The following LDB2 variants were observed in gnomAD, a reference collection of about 807,000 sequenced individuals.
LDB2 encodes the protein LIM domain-binding protein 2.
Under a neutral mutation model 44.3 loss-of-function variants are expected in LDB2, and 12 were observed. The ratio of observed to expected loss-of-function variants is 0.27; its 90% confidence interval spans 0.17 to 0.44. The LOEUF is 0.44. LDB2 is among the 20% of genes least tolerant of loss of function. The probability of loss-of-function intolerance (pLI) is 1.00; values close to 1 mark genes in which losing one functional copy is unlikely to be tolerated. For missense variants in LDB2, 344 were observed against 473.5 expected (o/e 0.73, Z 2.54); for synonymous variants, 164 against 174.8 (o/e 0.94, Z 0.49).
intron 2 of LDB2, among the ~76,000 whole-genome samples, chr4:16,758,548 C>G (rs1767162988): frequency 6.6e-6 from 1 of 152,180 alleles, no homozygotes; most frequent in Admixed American, 6.5e-5. Flanking sequence ...CTAATCAGGA[C>G]AGATCAGCTG....
At chr4:16,534,126 C>T (rs1730978053) in intron 5 of LDB2, among the ~76,000 whole-genome samples, 1 of 152,116 alleles carries the variant, frequency 6.6e-6, no homozygotes, top group Admixed American at 6.5e-5. Flanking sequence ...AACTCACGTT[C>T]CTCTGATGAT....
intron 2 of LDB2, among the ~76,000 whole-genome samples, chr4:16,649,413 TGAGAGA>T (rs766915381): frequency 6.9e-6 from 1 of 145,794 alleles, no homozygotes; most frequent in Non-Finnish European, 1.6e-5. Flanking sequence ...GAGAGAGAGA[TGAGAGA>T]GAGAGAGAGA....
chr4:16,645,543 CAAAAA>C (rs34869059), intron 2 of LDB2, among the ~76,000 whole-genome samples: 1 of 85,510 alleles, frequency 1.2e-5, no homozygotes. Context: ...GACTCCGTCT[CAAAAA>C]AAAAAAAAAA....
intron 2 of LDB2, among the ~76,000 whole-genome samples, chr4:16,650,313 A>G (rs1737917199): frequency 6.6e-6 from 1 of 152,204 alleles, no homozygotes; most frequent in Non-Finnish European, 1.5e-5. Context: ...TCAGTAGCAC[A>G]GTAATTGCCA....
At position 16,839,031 on chromosome 4, in the gene LDB2, T is replaced by C. The variant is rs185599228; in HGVS notation, c.132+59323A>G. 5.2e-4 allele frequency among the ~76,000 whole-genome samples: 79 copies of C among 152,334 alleles called. No individual in the cohort carries two copies. In the South Asian group the frequency reaches 5.6e-3, roughly 11 times the overall value. On this transcript the variant is annotated intron_variant, in intron 1 of 7. Transcript: ENST00000304523. The stretch of plus-strand genomic sequence containing the variant: ...ATATTCTGCAGAAGCAGGACTGTGA[T>C]AATGCTGCACCAACAATGAAAGACA...
intron 1 of LDB2, among the ~76,000 whole-genome samples, chr4:16,877,701 C>A (rs1206417120): frequency 6.6e-6 from 1 of 152,170 alleles, no homozygotes; most frequent in African/African-American, 2.4e-5. Flanking sequence ...TAAGTGATGT[C>A]ATCAAAGCCT....
chr4:16,594,393 T>C (rs1269222564), intron 3 of LDB2, among the ~76,000 whole-genome samples: 4 of 152,220 alleles, frequency 2.6e-5, no homozygotes, highest in African/African-American at 9.6e-5. Flanking sequence ...AAGTCTCTTG[T>C]CAGCCAGGAC....
chr4:16,768,904 T>G (rs1329546894), intron 1 of LDB2, among the ~76,000 whole-genome samples: 4 of 152,200 alleles, frequency 2.6e-5, no homozygotes, highest in African/African-American at 9.6e-5. Context: ...GAGTTAGATA[T>G]TTGCTTAACA....
In LDB2 at chr4:16,645,714, T is replaced by C. The variant is rs568316044; in HGVS notation, c.236-49839A>G. 9.2e-5 allele frequency among the ~76,000 whole-genome samples: 14 copies of C among 152,286 alleles called. No individual in the cohort carries two copies. The South Asian group carries it at 2.9e-3, about 32-fold the overall frequency. On this transcript the variant is annotated intron_variant, in intron 2 of 7. Transcript: ENST00000304523. ...CAGAATCAACAGAAGCAGGGATCTTTTTCTATTTGGCACATCCAGGATTGT... is the reference window on the plus strand; with the variant it reads ...CAGAATCAACAGAAGCAGGGATCTTCTTCTATTTGGCACATCCAGGATTGT...
chr4:16,505,611 C>T (rs1719089896), intron 7 of LDB2, among the ~76,000 whole-genome samples: 1 of 149,866 alleles, frequency 6.7e-6, no homozygotes, highest in Non-Finnish European at 1.5e-5. Flanking sequence ...AGCAACATTT[C>T]CCCCCCATTT....
At chr4:16,801,521 C>T (rs74746392) in intron 1 of LDB2, among the ~76,000 whole-genome samples, 4,090 of 152,180 alleles carry the variant, frequency 0.027, 106 homozygotes, top group East Asian at 0.078. Flanking sequence ...ATACTGTAGA[C>T]ATTTTCTTAG....
intron 1 of LDB2, among the ~76,000 whole-genome samples, chr4:16,823,499 T>G (rs1350414784): frequency 6.6e-6 from 1 of 152,204 alleles, no homozygotes; most frequent in East Asian, 1.9e-4. Flanking sequence ...AAGTACATTT[T>G]TTTTTAAAAG....
At chr4:16,778,142 G>GTT (rs1772371940) in intron 1 of LDB2, among the ~76,000 whole-genome samples, 1 of 152,134 alleles carries the variant, frequency 6.6e-6, no homozygotes, top group African/African-American at 2.4e-5. Context: ...AAAACTGACG[G>GTT]CAAAGAGGCC....
At chr4:16,559,496 A>C (rs1741184519) in intron 5 of LDB2, among the ~76,000 whole-genome samples, 1 of 152,232 alleles carries the variant, frequency 6.6e-6, no homozygotes, top group Non-Finnish European at 1.5e-5. Context: ...TAAAGGGATC[A>C]ATTCAACAAG....
At chr4:16,582,000 G>GGGAA (rs35585551) in intron 5 of LDB2, among the ~76,000 whole-genome samples, 7,802 of 103,140 alleles carry the variant, frequency 0.076, 263 homozygotes, top group Middle Eastern at 0.087. Flanking sequence ...AGGGAAGGAA[G>GGGAA]GGAAGGAAGG....
At chr4:16,615,660 C>G (rs1727090189) in intron 2 of LDB2, among the ~76,000 whole-genome samples, 1 of 152,256 alleles carries the variant, frequency 6.6e-6, no homozygotes, top group East Asian at 1.9e-4. Flanking sequence ...TGCAGCAAAC[C>G]ACCATGGCAC....
intron 2 of LDB2, among the ~76,000 whole-genome samples, chr4:16,731,489 G>A (rs756081995): frequency 6.6e-6 from 1 of 152,028 alleles, no homozygotes; most frequent in African/African-American, 2.4e-5. Context: ...CAGCATGCAC[G>A]TGTGTGTGTG....
intron 2 of LDB2, among the ~76,000 whole-genome samples, chr4:16,717,611 C>T (rs996635870): frequency 1.3e-5 from 2 of 152,282 alleles, no homozygotes; most frequent in African/African-American, 4.8e-5. Flanking sequence ...AAAGCATCAG[C>T]ATTTAGCTGC....
intron 1 of LDB2, among the ~76,000 whole-genome samples, chr4:16,845,654 T>C (rs185274487): frequency 1.3e-5 from 2 of 152,302 alleles, no homozygotes; most frequent in East Asian, 1.9e-4. Flanking sequence ...ACTAATCGCA[T>C]AGGACTTATG....
Sources: gnomAD v4.1 joint callset for allele counts (sites outside exome capture counted in the v4.1 genomes callset) on GRCh38, gnomAD v4.1.1 for gene constraint, MANE v1.5 for transcripts, NCBI Gene and HGNC (gene_info 2026-07-23, HGNC 2026-07-21) for gene names.